SPMIP11: variants seen among roughly 807,000 people sequenced by gnomAD.
SPMIP11 encodes the protein long intergenic non-protein coding RNA 935.
chr12:48,739,236 T>C, the SPMIP11 span, among the ~76,000 whole-genome samples: 1 of 152,198 alleles, frequency 6.6e-6, no homozygotes, highest in African/African-American at 2.4e-5. Flanking sequence ...AAAAGCTAAC[T>C]AGAAGCTGAT....
At chr12:48,760,232 G>A in the SPMIP11 span, among the ~76,000 whole-genome samples, 21 of 152,256 alleles carry the variant, frequency 1.4e-4, no homozygotes, top group East Asian at 4.1e-3. Flanking sequence ...GGAGTGCAGT[G>A]CTGCAATCAT....
At chr12:48,761,359 G>A in the SPMIP11 span, among the ~76,000 whole-genome samples, 2 of 151,726 alleles carry the variant, frequency 1.3e-5, no homozygotes, top group African/African-American at 4.8e-5. Flanking sequence ...GCTGAGGCAG[G>A]AGAATCGCTT....
the SPMIP11 span, among the ~76,000 whole-genome samples, chr12:48,731,262 G>A: frequency 9.6e-4 from 146 of 152,300 alleles, 1 homozygote; most frequent in East Asian, 1.9e-4. Flanking sequence ...GAAGGCCAAC[G>A]TGGGCGGATC....
At chr12:48,768,813 C>G in the SPMIP11 span, 2 of 1,557,362 alleles carry the variant, frequency 1.3e-6, no homozygotes, top group East Asian at 2.3e-5. Context: ...TCCCTTCCCC[C>G]AGTCCCTGCC....
the SPMIP11 span, among the ~76,000 whole-genome samples, chr12:48,763,314 C>G: frequency 8.5e-5 from 13 of 152,128 alleles, no homozygotes; most frequent in Non-Finnish European, 1.9e-4. Context: ...GCTGGTACTA[C>G]AGGCGTGCAC....
At chr12:48,737,027 G>A in the SPMIP11 span, among the ~76,000 whole-genome samples, 1 of 150,852 alleles carries the variant, frequency 6.6e-6, no homozygotes, top group Non-Finnish European at 1.5e-5. Context: ...TTGGCTCACT[G>A]CAACCTCTGC....
the SPMIP11 span, chr12:48,768,441 A>G: frequency 2.6e-6 from 3 of 1,142,816 alleles, no homozygotes; most frequent in African/African-American, 4.6e-5. Flanking sequence ...GCAGACGAGC[A>G]TGATCCAAGC....
At chr12:48,759,544 G>A in the SPMIP11 span, among the ~76,000 whole-genome samples, 57 of 152,118 alleles carry the variant, frequency 3.7e-4, no homozygotes, top group Middle Eastern at 3.4e-3. Context: ...AAAATTAGCC[G>A]GGCATGGTGG....
At chr12:48,759,668 T>TC in the SPMIP11 span, among the ~76,000 whole-genome samples, 2 of 133,876 alleles carry the variant, frequency 1.5e-5, no homozygotes, top group African/African-American at 5.9e-5. Flanking sequence ...ACACTTTGTC[T>TC]CAAAAAAAAA....
chr12:48,750,018 A>G, the SPMIP11 span, among the ~76,000 whole-genome samples: 2 of 150,778 alleles, frequency 1.3e-5, no homozygotes, highest in South Asian at 4.3e-4. Context: ...TTCTCTCTTG[A>G]GCCCACACCA....
At chr12:48,746,271 G>T in the SPMIP11 span, among the ~76,000 whole-genome samples, 2 of 149,746 alleles carry the variant, frequency 1.3e-5, no homozygotes, top group African/African-American at 2.4e-5. Flanking sequence ...GAGATTTTAT[G>T]TAAAACCAAC....
chr12:48,749,753 C>G, the SPMIP11 span, among the ~76,000 whole-genome samples: 145,644 of 145,648 alleles, frequency 1, 72,820 homozygotes, highest in Middle Eastern at 1. Context: ...GTGCAGTGGC[C>G]CAACCTCAGC....
At chr12:48,752,669 C>CTTTTTTT in the SPMIP11 span, among the ~76,000 whole-genome samples, 3 of 119,288 alleles carry the variant, frequency 2.5e-5, no homozygotes, top group Non-Finnish European at 3.4e-5. Flanking sequence ...CCTATTTATT[C>CTTTTTTT]TTTTTTTTTT....
chr12:48,750,757 T>A, the SPMIP11 span, among the ~76,000 whole-genome samples: 4 of 152,306 alleles, frequency 2.6e-5, no homozygotes, highest in Admixed American at 1.3e-4. Context: ...TTCCTGAATC[T>A]CCAGTCACCC....
the SPMIP11 span, among the ~76,000 whole-genome samples, chr12:48,760,495 C>CGGTTTTG: frequency 6.6e-6 from 1 of 151,468 alleles, no homozygotes; most frequent in East Asian, 2.0e-4. Context: ...CCTTTATCAA[C>CGGTTTTG]CTACTCCCTC....
chr12:48,743,987 C>T, the SPMIP11 span, among the ~76,000 whole-genome samples: 1 of 147,954 alleles, frequency 6.8e-6, no homozygotes, highest in African/African-American at 2.5e-5. Flanking sequence ...GTGGCTCATA[C>T]CTGTAATCCT....
chr12:48,730,566 C>T, the SPMIP11 span, among the ~76,000 whole-genome samples: 4 of 152,184 alleles, frequency 2.6e-5, no homozygotes, highest in East Asian at 1.9e-4. Flanking sequence ...GTACTAAGCA[C>T]GCTACATGCT....
At chr12:48,734,798 T>C in the SPMIP11 span, among the ~76,000 whole-genome samples, 1 of 151,766 alleles carries the variant, frequency 6.6e-6, no homozygotes, top group African/African-American at 2.4e-5. Flanking sequence ...GGTCAGCAGA[T>C]CGAGACCATC....
chr12:48,764,703 G>A, the SPMIP11 span: 4 of 586,854 alleles, frequency 6.8e-6, no homozygotes, highest in Non-Finnish European at 1.2e-5. Flanking sequence ...GTGAAGCAGG[G>A]TGTGGTGACC....
Sources: gnomAD v4.1 joint callset for allele counts (sites outside exome capture counted in the v4.1 genomes callset) on GRCh38, gnomAD v4.1.1 for gene constraint, MANE v1.5 for transcripts, NCBI Gene and HGNC (gene_info 2026-07-23, HGNC 2026-07-21) for gene names.